ACP1: variants seen among roughly 807,000 people sequenced by gnomAD.
ACP1 encodes acid phosphatase 1.
A neutral mutation model predicts 23.4 loss-of-function variants in ACP1; 23 were observed. That is an observed-to-expected ratio of 0.98 (90% CI 0.71 to 1.39). The LOEUF is 1.39. Ranked by LOEUF, ACP1 falls within the 40% of genes most tolerant of loss-of-function variation. ACP1 has a pLI of 0.00. For synonymous variants in ACP1, 72 were observed against 67.2 expected (o/e 1.07, Z -0.35); for missense variants, 180 against 197.7 (o/e 0.91, Z 0.54).
chr2:266,429 T>C (rs941650827), intron 1 of ACP1: 6 of 152,190 alleles, frequency 3.9e-5, no homozygotes, highest in Non-Finnish European at 5.9e-5. Flanking sequence ...CTTGTATAGT[T>C]TTGGTTGGTA....
intron 1 of ACP1, chr2:269,181 A>T (rs1434321060): frequency 2.5e-6 from 1 of 395,926 alleles, no homozygotes; most frequent in Non-Finnish European, 5.1e-6. Flanking sequence ...TGCTGATGAC[A>T]ATACCTGTTT....
chr2:265,162 CCT>C, intron 1 of ACP1, 155 bp downstream of exon 1: 1 of 801,036 alleles, frequency 1.2e-6, no homozygotes, highest in Non-Finnish European at 1.9e-6. Flanking sequence ...CCGCAGCGCC[CCT>C]GTTCCCCATC....
chr2:266,126 C>T (rs1286533874), intron 1 of ACP1, among the ~76,000 whole-genome samples: 2 of 152,060 alleles, frequency 1.3e-5, no homozygotes, highest in East Asian at 1.9e-4. Flanking sequence ...ACAAATTTTA[C>T]TATAATTATT....
intron 3 of ACP1, chr2:272,379 CTT>C: frequency 6.5e-7 from 1 of 1,530,110 alleles, no homozygotes; most frequent in South Asian, 1.2e-5. Flanking sequence ...ATTAACCAGA[CTT>C]GTATATTAAT....
chr2:271,752 T>C, intron 1 of ACP1, 114 bp from the exon 2 acceptor site: 3 of 851,014 alleles, frequency 3.5e-6, no homozygotes, highest in Admixed American at 1.8e-5. Flanking sequence ...TTGGCCTTTG[T>C]TTTTCCTGAG....
At position 272,157 on chromosome 2, in the gene ACP1, T is replaced by A; in HGVS notation, c.231+7T>A. 6.2e-7 allele frequency: 1 copy of A among 1,614,168 alleles called. No individual in the cohort carries two copies. The highest frequency in any genetic ancestry group is 1.7e-5 in the Admixed American group (1 of 60,024). Reference sequence around the variant, plus strand: ...GAGCCACGTTGCCCGGCAGGTACCGTCCTTGGACTTGAAGTTGTGTGTTTT... The same window carrying A: ...GAGCCACGTTGCCCGGCAGGTACCGACCTTGGACTTGAAGTTGTGTGTTTT... On this transcript the variant is annotated splice_region_variant and intron_variant, in intron 3 of 5. Coordinates refer to ENST00000272065, the MANE Select transcript of ACP1 (RefSeq NM_004300.4).
chr2:270,239 A>G (rs560141079), intron 1 of ACP1, among the ~76,000 whole-genome samples: 2 of 152,212 alleles, frequency 1.3e-5, no homozygotes, highest in East Asian at 1.9e-4. Flanking sequence ...TGTTTGTTGA[A>G]TAAGTCATAT....
intron 1 of ACP1, among the ~76,000 whole-genome samples, chr2:265,765 G>C (rs1303923002): frequency 6.6e-6 from 1 of 152,190 alleles, no homozygotes; most frequent in Non-Finnish European, 1.5e-5. Flanking sequence ...AAAACCTTCT[G>C]TGAGTTTGCA....
In ACP1 at chr2:277,414, T is replaced by C; in HGVS notation, c.*110T>C. 1.1e-6 allele frequency: 1 copy of C among 907,702 alleles called. No individual in the cohort carries two copies. The highest frequency in any genetic ancestry group is 1.8e-6 in the Non-Finnish European group (1 of 546,478). The allele number at this position is 907,702 out of a possible 1,614,324, so 56.2% of individuals were successfully genotyped here. On this transcript the variant is annotated 3_prime_UTR_variant, in exon 6 of 6. Coordinates refer to ENST00000272065, the MANE Select transcript of ACP1 (RefSeq NM_004300.4). ...CAGGGCCCAAAGCCCAGCTCTTTGT[T>C]CAGTTGACTTACTGTTTCTTACCTT... is the stretch of plus-strand genomic sequence containing the variant.
chr2:276,687 T>C lies in ACP1; in HGVS notation c.294-293T>C, dbSNP rs115502904. Among the ~76,000 whole-genome samples, 787 of 152,312 alleles carry C rather than the reference T, an allele frequency of 5.2e-3. 11 individuals carry two copies. Among genetic ancestry groups the C allele is most frequent in the African/African-American group, 0.018 (746 of 41,550 alleles). On this transcript the variant is annotated intron_variant, in intron 4 of 5. Coordinates refer to ENST00000272065, the MANE Select transcript of ACP1 (RefSeq NM_004300.4). ...GGTTCCTTTCTATGACCTTTATCTCTGAAACTTGATTGTCTTAAAATGTAT... is the reference window on the plus strand; with the variant it reads ...GGTTCCTTTCTATGACCTTTATCTCCGAAACTTGATTGTCTTAAAATGTAT...
intron 3 of ACP1, among the ~76,000 whole-genome samples, chr2:273,544 G>A (rs950075167): frequency 2.0e-4 from 30 of 152,294 alleles, no homozygotes; most frequent in African/African-American, 6.5e-4. Flanking sequence ...GGCTGCTTTT[G>A]TGCTAGAGCA....
chr2:271,232 T>G (rs1255765060), intron 1 of ACP1, among the ~76,000 whole-genome samples: 1 of 152,250 alleles, frequency 6.6e-6, no homozygotes, highest in Non-Finnish European at 1.5e-5. Flanking sequence ...ATACATACAG[T>G]TGACCCTTCA....
intron 3 of ACP1, 138 bp downstream of exon 3, chr2:272,288 G>A: frequency 6.2e-7 from 1 of 1,613,576 alleles, no homozygotes; most frequent in Non-Finnish European, 8.5e-7. Flanking sequence ...CATTCACACA[G>A]CCCATAAAGC....
intron 1 of ACP1, among the ~76,000 whole-genome samples, chr2:268,525 G>C (rs763812648): frequency 3.9e-5 from 6 of 152,152 alleles, no homozygotes; most frequent in Non-Finnish European, 5.9e-5. Context: ...GGTGGAGATA[G>C]CACATGCTGG....
At chr2:268,774 A>G (rs1669957487) in intron 1 of ACP1, among the ~76,000 whole-genome samples, 1 of 152,230 alleles carries the variant, frequency 6.6e-6, no homozygotes, top group East Asian at 1.9e-4. Context: ...TGTTTTTAGA[A>G]CTTGTTTGAT....
chr2:273,290 C>A (rs909256944), intron 3 of ACP1: 3 of 152,200 alleles, frequency 2.0e-5, no homozygotes, highest in African/African-American at 7.2e-5. Context: ...AACAAAGGAA[C>A]TTTGGGGGAC....
intron 1 of ACP1, among the ~76,000 whole-genome samples, chr2:267,160 A>G (rs1201874776): frequency 6.6e-6 from 1 of 152,212 alleles, no homozygotes; most frequent in Non-Finnish European, 1.5e-5. Context: ...GAAGCTGACC[A>G]TGGGGTAACC....
rs187801608 is a variant in ACP1 at position 277,407 on chromosome 2, T to C, written c.*103T>C. 3 of 998,766 alleles carry C rather than the reference T, an allele frequency of 3.0e-6. No homozygotes were observed. In the South Asian group the frequency reaches 3.9e-5, roughly 13 times the overall value. 61.9% of individuals were successfully genotyped at this position (998,766 alleles called of 1,614,324 possible). ...CACGTTCCAGGGCCCAAAGCCCAGCTCTTTGTTCAGTTGACTTACTGTTTC... is the reference window on the plus strand; with the variant it reads ...CACGTTCCAGGGCCCAAAGCCCAGCCCTTTGTTCAGTTGACTTACTGTTTC... On this transcript the variant is annotated 3_prime_UTR_variant, in exon 6 of 6. Transcript: ENST00000272065.
At chr2:274,620 C>A (rs556068771) in intron 3 of ACP1, 1 of 152,310 alleles carries the variant, frequency 6.6e-6, no homozygotes, top group South Asian at 2.1e-4. Flanking sequence ...TTTACTCCTC[C>A]CTGCCCCAAA....
Sources: gnomAD v4.1 joint callset for allele counts (sites outside exome capture counted in the v4.1 genomes callset) on GRCh38, gnomAD v4.1.1 for gene constraint, MANE v1.5 for transcripts, NCBI Gene and HGNC (gene_info 2026-07-23, HGNC 2026-07-21) for gene names.